SLC24A4: variants seen among roughly 807,000 people sequenced by gnomAD.
The protein encoded by SLC24A4 is solute carrier family 24 member 4.
SLC24A4 carries 53 observed loss-of-function variants against 79.0 expected under a neutral mutation model. That is an observed-to-expected ratio of 0.67 (90% CI 0.54 to 0.84). The LOEUF (loss-of-function observed/expected upper bound fraction) is 0.84. SLC24A4 is among the 40% of genes least tolerant of loss of function. The probability of loss-of-function intolerance (pLI) is 0.00; values close to 1 mark genes in which losing one functional copy is unlikely to be tolerated. For synonymous variants in SLC24A4, 323 were observed against 323.8 expected (o/e 1.00, Z 0.03); for missense variants, 731 against 822.0 (o/e 0.89, Z 1.35).
chr14:92,443,520 C>G, intron 7 of SLC24A4, 46 bp downstream of exon 7: 3 of 1,591,068 alleles, frequency 1.9e-6, no homozygotes, highest in Non-Finnish European at 2.6e-6. Context: ...TGGGACCCTG[C>G]GAAGGCACAG....
chr14:92,433,837 C>T, intron 2 of SLC24A4, 75 bp from the exon 3 acceptor site: 1 of 1,284,898 alleles, frequency 7.8e-7, no homozygotes, highest in East Asian at 2.3e-5. Flanking sequence ...CCTTAGTGAA[C>T]TCTCAGAAGT....
chr14:92,336,661 A>C (rs1885819342), intron 2 of SLC24A4, among the ~76,000 whole-genome samples: 1 of 152,216 alleles, frequency 6.6e-6, no homozygotes, highest in Non-Finnish European at 1.5e-5. Flanking sequence ...CCCTGCTGTC[A>C]GTGAGCATGG....
In SLC24A4 at chr14:92,445,324, A is replaced by T. The variant is rs749594261; in HGVS notation, c.665A>T (p.Tyr222Phe). 2 of 1,614,152 alleles carry T rather than the reference A, an allele frequency of 1.2e-6. No individual in the cohort carries two copies. Among genetic ancestry groups the T allele is most frequent in the Admixed American group, 3.3e-5 (2 of 60,022 alleles). Reference sequence around the variant, plus strand: ...GTTTCTTTTGCCTTACAGTTCATATATGATGAACAAATTGTGTGGTAAGTT... The same window carrying T: ...GTTTCTTTTGCCTTACAGTTCATATTTGATGAACAAATTGTGTGGTAAGTT... ...ISVIVLIVFI[Y>F]DEQIVWWEGL... The change falls in exon 8 of 17, where the codon TAT becomes TTT. Residue 222 changes from tyrosine (Y) to phenylalanine (F), a missense_variant. Tyr to Phe is a conservative substitution (Grantham distance 22, BLOSUM62 3). Coordinates refer to ENST00000532405, the MANE Select transcript of SLC24A4 (RefSeq NM_153646.4).
chr14:92,413,339 C>G (rs371652374), intron 2 of SLC24A4, among the ~76,000 whole-genome samples: 115 of 152,316 alleles, frequency 7.6e-4, no homozygotes, highest in African/African-American at 2.7e-3. Flanking sequence ...CTCCCGCCCC[C>G]CTGCCTTAGC....
At chr14:92,374,406 G>A (rs1687436882) in intron 2 of SLC24A4, among the ~76,000 whole-genome samples, 1 of 152,216 alleles carries the variant, frequency 6.6e-6, no homozygotes, top group African/African-American at 2.4e-5. Context: ...CAGCTCTCTG[G>A]TCAATGGTAT....
In SLC24A4 at chr14:92,442,168, T is replaced by C. The variant is rs75348968; in HGVS notation, c.473T>C (p.Val158Ala). 936 of 1,612,966 alleles carry C rather than the reference T, an allele frequency of 5.8e-4. 1 individual carries two copies. Among genetic ancestry groups the C allele is most frequent in the Non-Finnish European group, 7.4e-4 (872 of 1,179,394 alleles). The change falls in exon 5 of 17, where the codon GTT becomes GCT. Residue 158 changes from valine to alanine, a missense_variant. By Grantham distance (64) the Val-to-Ala change is moderately conservative (BLOSUM62 0). Transcript: ENST00000532405. ...GSSTPELFAS[V>A]IGVFITHGDV... is the part of the protein sequence containing the mutation. ...TCAACGCCAGAGCTGTTTGCGTCTG[T>C]TATTGGTAAGAAATCCCCTCCAGCC...
At chr14:92,486,903 G>A in intron 14 of SLC24A4, 123 bp downstream of exon 14, 1 of 616,754 alleles carries the variant, frequency 1.6e-6, no homozygotes. Flanking sequence ...TCCTGCTGTG[G>A]AGAAAAACTG....
In SLC24A4 at chr14:92,323,285, C is replaced by A. The variant is rs1350850700; in HGVS notation, c.-546C>A. 6.6e-6 allele frequency: 1 copy of A among 152,130 alleles called. No individual in the cohort carries two copies. Among genetic ancestry groups the A allele is most frequent in the Non-Finnish European group, 1.5e-5 (1 of 67,994 alleles). The allele number at this position is 152,130 out of a possible 1,614,324, so 9.4% of individuals were successfully genotyped here. A position where few individuals can be genotyped will look rare whatever the true frequency, so the allele number is the denominator to read the frequency against. On this transcript the variant is annotated 5_prime_UTR_variant, in exon 1 of 17. Coordinates refer to ENST00000532405, the MANE Select transcript of SLC24A4 (RefSeq NM_153646.4). This position sits in a 1 kb window ranked among gnomAD's most constrained non-coding sequence, Gnocchi z 4.9. ...TCTCAGGTACCGCGCGTCCAGCCAG[C>A]CTTCCCGCGGCGCGCACTCGGCCGC...
chr14:92,407,624 A>G (rs551546851), intron 2 of SLC24A4, among the ~76,000 whole-genome samples: 157 of 151,312 alleles, frequency 1.0e-3, no homozygotes, highest in Middle Eastern at 0.01. Context: ...ACCTCTTACC[A>G]TGGTGGAGCA....
At chr14:92,336,715 G>T (rs894988437) in intron 2 of SLC24A4, among the ~76,000 whole-genome samples, 1 of 152,180 alleles carries the variant, frequency 6.6e-6, no homozygotes, top group Non-Finnish European at 1.5e-5. Context: ...GCCACCTGCC[G>T]CAAATACCAC....
At chr14:92,365,052 T>G (rs937343600) in intron 2 of SLC24A4, among the ~76,000 whole-genome samples, 6 of 152,222 alleles carry the variant, frequency 3.9e-5, no homozygotes, top group African/African-American at 1.4e-4. Flanking sequence ...GAAGCCCTCC[T>G]GGCTACCCCT....
At position 92,433,935 on chromosome 14, in the gene SLC24A4, C is replaced by T; in HGVS notation, c.265C>T (p.Leu89=). The part of the protein sequence containing the change: ...DPAIHEFPTD[L]FSNKERQHGA... ...AGCGATTCACGAGTTCCCCACAGATCTGTTCTCCAATAAGGAGCGACAGCA... is the reference window on the plus strand; with the variant it reads ...AGCGATTCACGAGTTCCCCACAGATTTGTTCTCCAATAAGGAGCGACAGCA... The change falls in exon 3 of 17, where the codon CTG becomes TTG. Residue 89 remains leucine, a synonymous_variant. Transcript: ENST00000532405. The T allele has an allele frequency of 6.2e-7, 1 of 1,614,194 alleles. No individual in the cohort carries two copies. The highest frequency in any genetic ancestry group is 8.5e-7 in the Non-Finnish European group (1 of 1,180,018).
chr14:92,426,963 G>A (rs916537701), intron 2 of SLC24A4, among the ~76,000 whole-genome samples: 3 of 152,352 alleles, frequency 2.0e-5, no homozygotes, highest in Non-Finnish European at 4.4e-5. Context: ...AAAGCAAAGA[G>A]AGAGTGGCAT....
At chr14:92,445,230 G>T in intron 7 of SLC24A4, 87 bp from the exon 8 acceptor site, 1 of 1,464,258 alleles carries the variant, frequency 6.8e-7, no homozygotes, top group Non-Finnish European at 9.6e-7. Context: ...GTATAAATTG[G>T]CTCTGGGTGC....
intron 2 of SLC24A4, among the ~76,000 whole-genome samples, chr14:92,381,763 T>TAA (rs5810595): frequency 0.068 from 10,203 of 151,090 alleles, 452 homozygotes; most frequent in Non-Finnish European, 0.09. Context: ...TGCAGAGCTT[T>TAA]AAAAAAAAAT....
At chr14:92,357,703 TA>T (rs2141657996) in intron 2 of SLC24A4, among the ~76,000 whole-genome samples, 1 of 152,214 alleles carries the variant, frequency 6.6e-6, no homozygotes, top group African/African-American at 2.4e-5. Context: ...ATGGGGGAGT[TA>T]TCGTTTAATG....
intron 2 of SLC24A4, among the ~76,000 whole-genome samples, chr14:92,342,362 C>CTATTTATT (rs1886199659): frequency 3.3e-5 from 2 of 61,256 alleles, no homozygotes; most frequent in Non-Finnish European, 6.4e-5. Context: ...CTTTTTTTCC[C>CTATTTATT]CATTTATTTA....
At chr14:92,386,376 ACAGTG>A (rs1889157379) in intron 2 of SLC24A4, among the ~76,000 whole-genome samples, 1 of 152,142 alleles carries the variant, frequency 6.6e-6, no homozygotes, top group South Asian at 2.1e-4. Context: ...TTCTGAGGTC[ACAGTG>A]CAGATCAACT....
At chr14:92,366,644 A>G (rs1887855173) in intron 2 of SLC24A4, among the ~76,000 whole-genome samples, 1 of 152,200 alleles carries the variant, frequency 6.6e-6, no homozygotes, top group African/African-American at 2.4e-5. Context: ...GAGCCCAGAA[A>G]TAAAACAATG....
Sources: gnomAD v4.1 joint callset for allele counts (sites outside exome capture counted in the v4.1 genomes callset) on GRCh38, gnomAD v4.1.1 for gene constraint, Gnocchi (gnomAD v3.1) non-coding constraint, MANE v1.5 for transcripts, NCBI Gene and HGNC (gene_info 2026-07-23, HGNC 2026-07-21) for gene names.